The following ERRFI1 variants were observed in gnomAD, a reference collection of about 807,000 sequenced individuals.
ERRFI1 encodes mitogen-inducible gene 6 protein.
Under a neutral mutation model 14.6 loss-of-function variants are expected in ERRFI1, and 12 were observed. The ratio of observed to expected loss-of-function variants is 0.82; its 90% confidence interval spans 0.53 to 1.33. ERRFI1 has a LOEUF of 1.33. Ranked by LOEUF, ERRFI1 falls within the 40% of genes most tolerant of loss-of-function variation. ERRFI1 has a pLI of 0.00. For synonymous variants in ERRFI1, 202 were observed against 209.9 expected (o/e 0.96, Z 0.32); for missense variants, 482 against 572.1 (o/e 0.84, Z 1.61).
At chr1:8,026,005 A>G (rs1380068156) in intron 1 of ERRFI1, among the ~76,000 whole-genome samples, 153 bp downstream of exon 1, 3 of 151,680 alleles carry the variant, frequency 2.0e-5, no homozygotes, top group Non-Finnish European at 4.4e-5. Flanking sequence ...TCCATCCCAG[A>G]GACTCCGCGT....
chr1:8,016,396 T>G (rs895273217), intron 1 of ERRFI1, among the ~76,000 whole-genome samples: 2 of 152,190 alleles, frequency 1.3e-5, no homozygotes, highest in Admixed American at 6.5e-5. Context: ...GCTTCCTCCC[T>G]CCCTTTTAAA....
At chr1:8,023,126 C>T (rs1285202808) in intron 1 of ERRFI1, among the ~76,000 whole-genome samples, 3 of 152,026 alleles carry the variant, frequency 2.0e-5, no homozygotes, top group African/African-American at 7.2e-5. Context: ...TTCTACTGAG[C>T]GAATAGTTGT....
At chr1:8,015,128 G>GAAGGC in intron 3 of ERRFI1, 180 bp downstream of exon 3, 1 of 593,602 alleles carries the variant, frequency 1.7e-6, no homozygotes, top group Non-Finnish European at 3.0e-6. Flanking sequence ...GAAGGCAGTC[G>GAAGGC]AGTACAATAG....
chr1:8,025,979 C>A (rs1025603865), intron 1 of ERRFI1, among the ~76,000 whole-genome samples, 179 bp downstream of exon 1: 10 of 151,978 alleles, frequency 6.6e-5, no homozygotes, highest in Admixed American at 5.9e-4. Context: ...CCGCGAGCGA[C>A]CGGCCGGCCT....
rs554900959 is a variant in ERRFI1, at chr1:8,014,329, G to A, written c.270C>T (p.Ser90=). 6.2e-6 allele frequency: 10 copies of A among 1,611,914 alleles called. No homozygotes were observed. The highest frequency in any genetic ancestry group is 8.5e-6 in the Non-Finnish European group (10 of 1,178,910). The change falls in exon 4 of 4, where the codon TCC becomes TCT. Residue 90 remains serine (S), a synonymous_variant. Transcript: ENST00000377482. ...CFAENGPSQK[S]SLPPLLIPPS... is the part of the protein sequence containing the mutation. ...GGGGAATAAGAAGAGGGGGCAAGCTGGACTTTTGAGATGGACCATTTTCTG... is the reference window on the plus strand; with the variant it reads ...GGGGAATAAGAAGAGGGGGCAAGCTAGACTTTTGAGATGGACCATTTTCTG...
intron 1 of ERRFI1, 72 bp from the exon 2 acceptor site, chr1:8,015,764 C>T (rs906661243): frequency 1.0e-6 from 1 of 992,500 alleles, no homozygotes; most frequent in Admixed American, 2.7e-5. Flanking sequence ...GTCTAAATTA[C>T]AGCAAAGCTA....
At chr1:8,022,566 TC>T (rs1180575588) in intron 1 of ERRFI1, among the ~76,000 whole-genome samples, 2 of 152,206 alleles carry the variant, frequency 1.3e-5, no homozygotes, top group African/African-American at 2.4e-5. Context: ...TCATGGCTCT[TC>T]TGTACTATAA....
chr1:8,025,111 T>C (rs1641325587), intron 1 of ERRFI1, among the ~76,000 whole-genome samples: 2 of 152,218 alleles, frequency 1.3e-5, no homozygotes, highest in Non-Finnish European at 1.5e-5. Flanking sequence ...CCTACCTGTG[T>C]TGCAGGTGTA....
chr1:8,020,074 TAA>T (rs539364101), intron 1 of ERRFI1, among the ~76,000 whole-genome samples: 11 of 129,534 alleles, frequency 8.5e-5, no homozygotes, highest in Non-Finnish European at 3.3e-5. Context: ...TGAAACTGCT[TAA>T]AAAAAAAAAA....
In ERRFI1 at chr1:8,014,218, G is replaced by A. The variant is rs1386174182; in HGVS notation, c.381C>T (p.Thr127=). ...AGTTTTTTATGGGTGTCAGTGGAGG[G>A]GTGGAAGCACAAACCCCATTCACTG... ...KLTVNGVCAS[T]PPLTPIKNSP... Residue 127 remains threonine (T), a synonymous_variant, in exon 4 of 4, where the codon ACC becomes ACT. Transcript: ENST00000377482. The A allele has an allele frequency of 3.1e-6, 5 of 1,614,038 alleles. No homozygotes were observed. In the Admixed American group the frequency reaches 6.7e-5, roughly 22 times the overall value.
At chr1:8,014,458 G>A (rs1641143096) in intron 3 of ERRFI1, 62 bp from the exon 4 acceptor site, 1 of 1,448,914 alleles carries the variant, frequency 6.9e-7, no homozygotes, top group Non-Finnish European at 9.3e-7. Flanking sequence ...GTGTGAGGGA[G>A]AGAGCACCCC....
Position 8,013,144 on chromosome 1 carries a change from A to C in ERRFI1, c.*66T>G, listed in dbSNP as rs1641110871. On this transcript the variant is annotated 3_prime_UTR_variant, in exon 4 of 4. Transcript: ENST00000377482. This position sits in a 1 kb window ranked among gnomAD's most constrained non-coding sequence, Gnocchi z 4.3. The stretch of plus-strand genomic sequence containing the variant: ...TCTAAGGGATTTTTCTCTGCACTTC[A>C]ATCAAACTGGAAAATTGAGAACCAT... The C allele has an allele frequency of 1.6e-5, 22 of 1,394,390 alleles. No homozygotes were observed. The South Asian group carries it at 3.1e-4, about 20-fold the overall frequency. 86.4% of individuals were successfully genotyped at this position (1,394,390 alleles called of 1,614,324 possible).
At chr1:8,026,063 G>A (rs941530420) in intron 1 of ERRFI1, 95 bp downstream of exon 1, 1 of 151,746 alleles carries the variant, frequency 6.6e-6, no homozygotes, top group African/African-American at 2.4e-5. Flanking sequence ...TCGCGTCGGG[G>A]AGCCGCCTGG....
rs1641264637 is a variant in ERRFI1, at chr1:8,020,763, T to G, written c.-73-5071A>C. ...TTTCTCCACATTGGTCAGGCTGGTC[T>G]CAAACTCCTGACCTCAGGTGATCCT... On this transcript the variant is annotated intron_variant, in intron 1 of 3. Coordinates refer to ENST00000377482, the MANE Select transcript of ERRFI1 (RefSeq NM_018948.4). 3.3e-5 allele frequency among the ~76,000 whole-genome samples: 5 copies of G among 152,144 alleles called. No individual in the cohort carries two copies. The South Asian group carries it at 1.0e-3, about 31-fold the overall frequency.
At position 8,025,423 on chromosome 1, in the gene ERRFI1, A is replaced by C. The variant is rs561163241; in HGVS notation, c.-74+735T>G. Among the ~76,000 whole-genome samples, 27 of 152,362 alleles carry C rather than the reference A, an allele frequency of 1.8e-4. No homozygotes were observed. The East Asian group carries it at 5.2e-3, about 29-fold the overall frequency. ...TCAAAGCCGTACTTAAGACACTCAG[A>C]GCAAAGAATCACGTTTCTAGGAGAG... On this transcript the variant is annotated intron_variant, in intron 1 of 3. Coordinates refer to ENST00000377482, the MANE Select transcript of ERRFI1 (RefSeq NM_018948.4).
chr1:8,017,015 C>A (rs991033430), intron 1 of ERRFI1, among the ~76,000 whole-genome samples: 3 of 151,182 alleles, frequency 2.0e-5, no homozygotes, highest in Admixed American at 2.0e-4. Flanking sequence ...CACCTTTTAA[C>A]AATCAGTACC....
chr1:8,014,674 CG>C (rs1641146268), intron 3 of ERRFI1: 1 of 410,858 alleles, frequency 2.4e-6, no homozygotes, highest in Non-Finnish European at 4.3e-6. Context: ...AGTTTTGTGA[CG>C]TGTGTAAAAT....
Position 8,013,557 on chromosome 1 carries a change from G to T in ERRFI1, c.1042C>A (p.Pro348Thr), listed in dbSNP as rs1030084409. The change falls in exon 4 of 4, where the codon CCG becomes ACG. Residue 348 changes from proline to threonine, a missense_variant. By Grantham distance (38) the Pro-to-Thr change is conservative (BLOSUM62 -1). Coordinates refer to ENST00000377482, the MANE Select transcript of ERRFI1 (RefSeq NM_018948.4). The surrounding 1 kb of genome is among the most constrained non-coding windows in gnomAD (Gnocchi z 4.3). ...GGATCAGGGGCAAAGCTCTGTGTCG[G>T]GGGCATGACCCCATTGAGGTAAGAC... ...LPSYLNGVMP[P>T]TQSFAPDPKY... 8 of 1,613,926 alleles carry T rather than the reference G, an allele frequency of 5.0e-6. No homozygotes were observed. In the African/African-American group the frequency reaches 9.4e-5, roughly 19 times the overall value.
rs1300628188 is a variant in ERRFI1, at chr1:8,013,598, C to T, written c.1001G>A (p.Ser334Asn). 2 of 1,613,974 alleles carry T rather than the reference C, an allele frequency of 1.2e-6. No homozygotes were observed. Among genetic ancestry groups the T allele is most frequent in the East Asian group, 2.2e-5 (1 of 44,896 alleles). Residue 334 changes from serine to asparagine, a missense_variant, in exon 4 of 4, where the codon AGT (serine) becomes AAT (asparagine). By Grantham distance (46) the Ser-to-Asn change is conservative (BLOSUM62 1). Coordinates refer to ENST00000377482, the MANE Select transcript of ERRFI1 (RefSeq NM_018948.4). This position sits in a 1 kb window ranked among gnomAD's most constrained non-coding sequence, Gnocchi z 4.3. ...PLSPSNSRTP[S>N]PKSLPSYLNG... ...GAGGTAAGACGGAAGGCTTTTGGGA[C>T]TCGGTGTGCGCGAGTTACTCGGTGA...
Sources: allele counts gnomAD v4.1 joint callset (sites outside exome capture counted in the v4.1 genomes callset), GRCh38; gene constraint gnomAD v4.1.1; non-coding constraint Gnocchi (gnomAD v3.1); transcripts MANE v1.5; gene names NCBI Gene and HGNC (gene_info 2026-07-23, HGNC 2026-07-21).